The following PDE4D variants were observed in gnomAD, a reference collection of about 807,000 sequenced individuals.
PDE4D encodes phosphodiesterase 4D.
Under a neutral mutation model 87.4 loss-of-function variants are expected in PDE4D, and 24 were observed. The observed-to-expected ratio is 0.27, with a 90% CI of 0.20 to 0.39. The LOEUF (loss-of-function observed/expected upper bound fraction) is 0.39, where lower values mean the gene tolerates loss of function less well. Ranked by LOEUF, PDE4D falls within the 10% of genes least tolerant of loss-of-function variation. The probability of loss-of-function intolerance (pLI) is 1.00; values close to 1 mark genes in which losing one functional copy is unlikely to be tolerated. For synonymous variants in PDE4D, 384 were observed against 383.2 expected (o/e 1.00, Z -0.02); for missense variants, 714 against 1,041.0 (o/e 0.69, Z 4.32).
chr5:60,389,810 A>G (rs1398318590), intron 1 of PDE4D, among the ~76,000 whole-genome samples: 1 of 152,144 alleles, frequency 6.6e-6, no homozygotes, highest in Non-Finnish European at 1.5e-5. Context: ...TGCACCAGAA[A>G]CTGACACCTC....
At chr5:59,285,860 A>C (rs1305338583) in intron 1 of PDE4D, among the ~76,000 whole-genome samples, 2 of 152,110 alleles carry the variant, frequency 1.3e-5, no homozygotes, top group African/African-American at 4.8e-5. Context: ...TATGAATGAG[A>C]TGGCTGTTTC....
intron 1 of PDE4D, among the ~76,000 whole-genome samples, chr5:59,780,959 G>A (rs1764554278): frequency 6.6e-6 from 1 of 151,896 alleles, no homozygotes; most frequent in African/African-American, 2.4e-5. Context: ...CTGAGGTCAG[G>A]AGTTCGAGAC....
At chr5:60,171,894 T>C (rs1783464338) in intron 2 of PDE4D, among the ~76,000 whole-genome samples, 1 of 151,882 alleles carries the variant, frequency 6.6e-6, no homozygotes. Context: ...CTTTTCAATT[T>C]TATTATTAAA....
Position 59,442,544 on chromosome 5 carries a change from A to G in PDE4D, c.456-226576T>C, listed in dbSNP as rs528374147. ...ACATAATGTGAGTGAACAAATATTTAAATAAGTTGGTACCTTTTTGCCTGG... is the reference window on the plus strand; with the variant it reads ...ACATAATGTGAGTGAACAAATATTTGAATAAGTTGGTACCTTTTTGCCTGG... On this transcript the variant is annotated intron_variant, in intron 1 of 14. Transcript: ENST00000340635. Among the ~76,000 whole-genome samples the G allele has an allele frequency of 2.0e-5, 3 of 152,348 alleles. No individual in the cohort carries two copies. The South Asian group carries it at 6.2e-4, about 32-fold the overall frequency.
chr5:60,520,584 G>A (rs909850082), intron 1 of PDE4D, among the ~76,000 whole-genome samples: 2 of 152,174 alleles, frequency 1.3e-5, no homozygotes, highest in African/African-American at 2.4e-5. Flanking sequence ...CAGCAATATG[G>A]GTAGTGGCCC....
At chr5:60,378,990 T>C (rs1460851595) in intron 1 of PDE4D, among the ~76,000 whole-genome samples, 1 of 152,090 alleles carries the variant, frequency 6.6e-6, no homozygotes, top group Non-Finnish European at 1.5e-5. Context: ...GACTGAGCAT[T>C]TACTCCCCAC....
At chr5:60,282,816 A>C (rs1752070247) in intron 1 of PDE4D, among the ~76,000 whole-genome samples, 1 of 152,212 alleles carries the variant, frequency 6.6e-6, no homozygotes, top group Non-Finnish European at 1.5e-5. Context: ...TAGTGTCCAG[A>C]TATCTGGGGA....
chr5:60,103,744 C>T (rs566341003), intron 2 of PDE4D, among the ~76,000 whole-genome samples: 1 of 152,170 alleles, frequency 6.6e-6, no homozygotes, highest in Admixed American at 6.5e-5. Context: ...ATCTGTCACT[C>T]TCACTAAATT....
At chr5:60,352,656 C>A (rs1759302141) in intron 1 of PDE4D, among the ~76,000 whole-genome samples, 1 of 152,198 alleles carries the variant, frequency 6.6e-6, no homozygotes, top group Non-Finnish European at 1.5e-5. Flanking sequence ...TGTGGAGATT[C>A]TGCATTTCTG....
intron 3 of PDE4D, among the ~76,000 whole-genome samples, chr5:59,931,694 CTT>C (rs35943138): frequency 0.018 from 2,288 of 126,548 alleles, 35 homozygotes; most frequent in African/African-American, 0.064. Flanking sequence ...TCTTCTTCTT[CTT>C]TTTTTTTTTT....
chr5:59,310,579 T>C (rs1268913152), intron 1 of PDE4D, among the ~76,000 whole-genome samples: 2 of 152,146 alleles, frequency 1.3e-5, no homozygotes, highest in African/African-American at 4.8e-5. Context: ...CCTTTTGTGG[T>C]CTCTCATCCC....
chr5:60,225,774 A>G (rs1745023641), intron 1 of PDE4D, among the ~76,000 whole-genome samples: 1 of 152,098 alleles, frequency 6.6e-6, no homozygotes, highest in Non-Finnish European at 1.5e-5. Flanking sequence ...ATATTACCTC[A>G]TTTAAATAGA....
intron 1 of PDE4D, among the ~76,000 whole-genome samples, chr5:59,360,724 C>G (rs1207954867): frequency 6.6e-6 from 1 of 152,136 alleles, no homozygotes; most frequent in Non-Finnish European, 1.5e-5. Context: ...TATGAGTCTA[C>G]TTGATTGAAA....
intron 2 of PDE4D, among the ~76,000 whole-genome samples, chr5:59,210,573 T>C (rs1581399925): frequency 6.6e-6 from 1 of 152,334 alleles, no homozygotes; most frequent in East Asian, 1.9e-4. Flanking sequence ...AGGTCTGAGA[T>C]ATCTGTATAG....
At chr5:60,242,328 GC>G (rs1277670789) in intron 1 of PDE4D, among the ~76,000 whole-genome samples, 1 of 151,994 alleles carries the variant, frequency 6.6e-6, no homozygotes, top group African/African-American at 2.4e-5. Flanking sequence ...GATATAAAAA[GC>G]AAATATTATT....
chr5:60,411,042 G>T (rs547428171), intron 1 of PDE4D, among the ~76,000 whole-genome samples: 1 of 152,284 alleles, frequency 6.6e-6, no homozygotes, highest in East Asian at 1.9e-4. Context: ...ATACATGGAA[G>T]AACTGACATT....
At chr5:59,632,745 G>A (rs951142272) in intron 1 of PDE4D, among the ~76,000 whole-genome samples, 11 of 152,158 alleles carry the variant, frequency 7.2e-5, no homozygotes, top group Non-Finnish European at 1.6e-4. Flanking sequence ...CAACAGCAAA[G>A]AACAAAGGTA....
At chr5:59,276,219 C>A (rs1581723044) in intron 1 of PDE4D, 3 of 800,578 alleles carry the variant, frequency 3.7e-6, no homozygotes, top group East Asian at 2.5e-4. Context: ...GCTCCAGAGA[C>A]CAGCACTGTA....
chr5:59,453,959 A>G (rs551141155), intron 1 of PDE4D, among the ~76,000 whole-genome samples: 1 of 152,330 alleles, frequency 6.6e-6, no homozygotes, highest in South Asian at 2.1e-4. Context: ...TCCTCTTGTT[A>G]GGGGCTAATG....
Sources: gnomAD v4.1 joint callset for allele counts (sites outside exome capture counted in the v4.1 genomes callset) on GRCh38, gnomAD v4.1.1 for gene constraint, MANE v1.5 for transcripts, NCBI Gene and HGNC (gene_info 2026-07-23, HGNC 2026-07-21) for gene names.